MAGI2: variants seen among roughly 807,000 people sequenced by gnomAD.
MAGI2 encodes membrane associated guanylate kinase, WW and PDZ domain containing 2, also known as membrane-associated guanylate kinase, WW and PDZ domain-containing protein 2.
MAGI2 carries 35 observed loss-of-function variants against 133.3 expected under a neutral mutation model. That is an observed-to-expected ratio of 0.26 (90% CI 0.20 to 0.35). The LOEUF is 0.35. Among genes scored for constraint, MAGI2 ranks in the 10% least tolerant of loss-of-function variants. MAGI2 has a pLI of 1.00. For synonymous variants in MAGI2, 729 were observed against 710.6 expected (o/e 1.03, Z -0.41); for missense variants, 1,636 against 1,863.4 (o/e 0.88, Z 2.25).
chr7:78,251,214 G>C (rs959821810), intron 10 of MAGI2, among the ~76,000 whole-genome samples: 1 of 152,068 alleles, frequency 6.6e-6, no homozygotes, highest in African/African-American at 2.4e-5. Context: ...AGCAAACCAA[G>C]AATAGAAGAC....
At chr7:78,853,328 C>CT (rs1793307069) in intron 2 of MAGI2, among the ~76,000 whole-genome samples, 1 of 59,746 alleles carries the variant, frequency 1.7e-5, no homozygotes, top group African/African-American at 6.4e-5. Flanking sequence ...CTTGTCCATT[C>CT]GTTCTTTTTT....
chr7:78,985,970 A>G (rs1562752971), intron 2 of MAGI2, among the ~76,000 whole-genome samples: 2 of 152,162 alleles, frequency 1.3e-5, no homozygotes, highest in East Asian at 1.9e-4. Flanking sequence ...ATGCAACCCA[A>G]TCAATCTTTA....
At chr7:78,890,970 T>C (rs1049440099) in intron 2 of MAGI2, among the ~76,000 whole-genome samples, 2 of 151,982 alleles carry the variant, frequency 1.3e-5, no homozygotes, top group African/African-American at 4.8e-5. Context: ...ACGCAATTGA[T>C]AGACTGCTAG....
In MAGI2 at chr7:78,401,928, G is replaced by A. The variant is rs577948184; in HGVS notation, c.1046-32715C>T. 2.2e-4 allele frequency among the ~76,000 whole-genome samples: 30 copies of A among 136,106 alleles called. No homozygotes were observed. In the South Asian group the frequency reaches 2.6e-3, roughly 12 times the overall value. The allele number at this position is 136,106 out of a possible 152,430, so 89.3% of individuals were successfully genotyped here. ...CTTCCCAGATAACAGGTTAGAAAAT[G>A]GCTTTTTTTTTCAATGTGTTTCTAC... On this transcript the variant is annotated intron_variant, in intron 6 of 21. Transcript: ENST00000354212.
At chr7:78,609,946 G>A (rs1282463229) in intron 3 of MAGI2, among the ~76,000 whole-genome samples, 1 of 152,010 alleles carries the variant, frequency 6.6e-6, no homozygotes. Flanking sequence ...TGTAACTATT[G>A]TATCTCTTGG....
At chr7:78,720,608 T>C (rs1336248634) in intron 2 of MAGI2, among the ~76,000 whole-genome samples, 1 of 152,114 alleles carries the variant, frequency 6.6e-6, no homozygotes, top group African/African-American at 2.4e-5. Flanking sequence ...GGTCCATTTG[T>C]GGTACAGGAC....
intron 15 of MAGI2, among the ~76,000 whole-genome samples, chr7:78,164,085 C>G (rs1050203475): frequency 6.6e-6 from 1 of 152,120 alleles, no homozygotes; most frequent in African/African-American, 2.4e-5. Flanking sequence ...TCCCCAAGAC[C>G]TCTTGCAAAT....
intron 6 of MAGI2, among the ~76,000 whole-genome samples, chr7:78,390,281 A>G (rs1451962181): frequency 6.6e-6 from 1 of 152,262 alleles, no homozygotes. Flanking sequence ...CAAGAAAATT[A>G]TAGAAATGGA....
intron 9 of MAGI2, among the ~76,000 whole-genome samples, chr7:78,271,249 C>T (rs191800563): frequency 1.3e-5 from 2 of 151,790 alleles, no homozygotes; most frequent in Non-Finnish European, 3.0e-5. Context: ...TCATTGGTTC[C>T]GTTTATGTGA....
At chr7:78,236,825 G>C (rs1197308893) in intron 10 of MAGI2, among the ~76,000 whole-genome samples, 1 of 152,174 alleles carries the variant, frequency 6.6e-6, no homozygotes, top group South Asian at 2.1e-4. Flanking sequence ...TAAAGAAAAA[G>C]AGGTTTAATG....
intron 1 of MAGI2, among the ~76,000 whole-genome samples, chr7:79,259,058 C>A (rs1833896142): frequency 6.6e-6 from 1 of 152,178 alleles, no homozygotes; most frequent in Admixed American, 6.5e-5. Flanking sequence ...GTGGTTACAA[C>A]TGCATGCTTT....
At chr7:78,279,452 A>ATT (rs200705433) in intron 9 of MAGI2, among the ~76,000 whole-genome samples, 2 of 151,248 alleles carry the variant, frequency 1.3e-5, no homozygotes, top group African/African-American at 4.9e-5. Context: ...TTTAGACACA[A>ATT]TTATTTAGTC....
intron 2 of MAGI2, among the ~76,000 whole-genome samples, chr7:78,700,508 T>C (rs1563374254): frequency 6.6e-6 from 1 of 152,130 alleles, no homozygotes. Flanking sequence ...CTCAACCTGC[T>C]AACTCTCATC....
At chr7:79,112,945 T>C (rs1168023827) in intron 1 of MAGI2, among the ~76,000 whole-genome samples, 1 of 152,198 alleles carries the variant, frequency 6.6e-6, no homozygotes, top group Non-Finnish European at 1.5e-5. Context: ...TAATATTTAT[T>C]TAGTACATGA....
Position 78,125,848 on chromosome 7 carries a change from G to T in MAGI2, c.3424-11C>A. On this transcript the variant is annotated splice_polypyrimidine_tract_variant and intron_variant, in intron 19 of 21. Transcript: ENST00000354212. ...GAAATAATCAAAATCCTTTGGGGTT[G>T]GGGAGAAAATGGAATAAATAATTAT... 5.0e-6 allele frequency: 8 copies of T among 1,613,372 alleles called. No individual in the cohort carries two copies. Among genetic ancestry groups the T allele is most frequent in the Non-Finnish European group, 5.9e-6 (7 of 1,179,554 alleles).
At chr7:78,973,305 C>A (rs1309780634) in intron 2 of MAGI2, among the ~76,000 whole-genome samples, 1 of 151,724 alleles carries the variant, frequency 6.6e-6, no homozygotes, top group Non-Finnish European at 1.5e-5. Flanking sequence ...AAACTTACTT[C>A]TTTTGCCTTG....
intron 20 of MAGI2, among the ~76,000 whole-genome samples, chr7:78,089,071 CCA>C (rs1221290895): frequency 6.6e-6 from 1 of 152,164 alleles, no homozygotes; most frequent in East Asian, 1.9e-4. Context: ...GGTTCCTACC[CCA>C]GAGTCTCCAA....
chr7:79,338,315 A>G (rs1426826038), intron 1 of MAGI2, among the ~76,000 whole-genome samples: 4 of 152,134 alleles, frequency 2.6e-5, no homozygotes, highest in African/African-American at 7.2e-5. Context: ...ATCCACCTCC[A>G]TTTTTAACAG....
chr7:78,961,666 C>A (rs746403524), intron 2 of MAGI2, among the ~76,000 whole-genome samples: 4 of 152,064 alleles, frequency 2.6e-5, no homozygotes, highest in African/African-American at 4.8e-5. Context: ...AAAGGTGACT[C>A]TTGAGCCCTC....
Sources: allele counts gnomAD v4.1 joint callset (sites outside exome capture counted in the v4.1 genomes callset), GRCh38; gene constraint gnomAD v4.1.1; transcripts MANE v1.5; gene names NCBI Gene and HGNC (gene_info 2026-07-23, HGNC 2026-07-21).